Variants in SCHIP1 observed in about 807,000 individuals in gnomAD.
The protein encoded by SCHIP1 is schwannomin interacting protein 1.
Under a neutral mutation model 29.7 loss-of-function variants are expected in SCHIP1, and 8 were observed. The observed-to-expected ratio is 0.27, with a 90% CI of 0.16 to 0.49. SCHIP1 has a LOEUF of 0.49. Ranked by LOEUF, SCHIP1 falls within the 20% of genes least tolerant of loss-of-function variation. SCHIP1 has a pLI of 0.99. For synonymous variants in SCHIP1, 76 were observed against 94.9 expected, an observed-to-expected ratio of 0.80 and a Z score of 1.16; for missense variants, 193 against 294.6, an observed-to-expected ratio of 0.66 and a Z score of 2.52.
the SCHIP1 span, among the ~76,000 whole-genome samples, chr3:159,766,434 A>G: frequency 6.6e-6 from 1 of 152,234 alleles, no homozygotes; most frequent in East Asian, 1.9e-4. Context: ...TACCATGGCC[A>G]TTAACAGACG....
the SCHIP1 span, chr3:159,765,221 C>T: frequency 7.2e-7 from 1 of 1,395,226 alleles, no homozygotes; most frequent in Non-Finnish European, 9.5e-7. Context: ...TCCCTGCGCT[C>T]CCGCCCGCCC....
chr3:159,833,844 A>G, the SCHIP1 span, among the ~76,000 whole-genome samples: 1 of 152,158 alleles, frequency 6.6e-6, no homozygotes, highest in South Asian at 2.1e-4. Context: ...TTCTTTTCAC[A>G]GCACCAGTTT....
intron 2 of SCHIP1, among the ~76,000 whole-genome samples, chr3:159,867,107 G>A (rs779899339): frequency 5.2e-4 from 79 of 152,182 alleles, no homozygotes; most frequent in Non-Finnish European, 8.4e-4. Context: ...TTACAAATAC[G>A]GGTATTCCAA....
At chr3:159,380,132 G>T in the SCHIP1 span, among the ~76,000 whole-genome samples, 1 of 152,192 alleles carries the variant, frequency 6.6e-6, no homozygotes, top group African/African-American at 2.4e-5. Flanking sequence ...TGCCTTGAGT[G>T]TCCAAAAGTT....
the SCHIP1 span, among the ~76,000 whole-genome samples, chr3:159,472,658 C>T: frequency 6.6e-6 from 1 of 152,092 alleles, no homozygotes; most frequent in Admixed American, 6.6e-5. Flanking sequence ...TAGAGGCCCT[C>T]GGCGGAGGGA....
the SCHIP1 span, among the ~76,000 whole-genome samples, chr3:159,610,312 C>T: frequency 2.6e-5 from 4 of 152,168 alleles, no homozygotes; most frequent in South Asian, 2.1e-4. Flanking sequence ...TGATAGGAAC[C>T]GTTGACTGAC....
the SCHIP1 span, among the ~76,000 whole-genome samples, chr3:159,468,653 G>A: frequency 1.8e-4 from 27 of 147,182 alleles, no homozygotes; most frequent in African/African-American, 6.5e-4. Context: ...ATTCTAAATT[G>A]GCTTCATGGT....
At chr3:159,364,688 G>A in the SCHIP1 span, among the ~76,000 whole-genome samples, 4 of 152,168 alleles carry the variant, frequency 2.6e-5, no homozygotes. Context: ...CAGCAGAACT[G>A]GGGAAACAGC....
the SCHIP1 span, among the ~76,000 whole-genome samples, chr3:159,306,254 G>T: frequency 6.6e-6 from 1 of 152,202 alleles, no homozygotes; most frequent in African/African-American, 2.4e-5. Context: ...TCTTTGATTA[G>T]TAGTGTTTGC....
chr3:159,729,172 G>A, the SCHIP1 span, among the ~76,000 whole-genome samples: 51 of 151,962 alleles, frequency 3.4e-4, no homozygotes, highest in African/African-American at 1.1e-3. Flanking sequence ...AAGAAAAAAA[G>A]AAAAGAAAAG....
the SCHIP1 span, among the ~76,000 whole-genome samples, chr3:159,770,973 T>G: frequency 6.6e-6 from 1 of 152,206 alleles, no homozygotes; most frequent in Non-Finnish European, 1.5e-5. Context: ...CTCTGACAGG[T>G]GCATTTTCCT....
the SCHIP1 span, among the ~76,000 whole-genome samples, chr3:159,662,668 G>C: frequency 6.6e-6 from 1 of 152,084 alleles, no homozygotes. Flanking sequence ...CCACTCAAAG[G>C]GGTATATAAT....
chr3:159,538,167 G>T, the SCHIP1 span, among the ~76,000 whole-genome samples: 1 of 152,206 alleles, frequency 6.6e-6, no homozygotes, highest in East Asian at 1.9e-4. Flanking sequence ...CTATTTTAAA[G>T]AAAGTAATCT....
chr3:159,459,269 GA>G, the SCHIP1 span, among the ~76,000 whole-genome samples: 2 of 152,024 alleles, frequency 1.3e-5, no homozygotes, highest in Non-Finnish European at 2.9e-5. Context: ...ATAATGCTGG[GA>G]TCAAAGCTCA....
the SCHIP1 span, among the ~76,000 whole-genome samples, chr3:159,430,455 G>A: frequency 0.6 from 91,698 of 151,872 alleles, 28,411 homozygotes; most frequent in Non-Finnish European, 0.67. Context: ...CTGAGGCTAC[G>A]TTCTGCTCTG....
chr3:159,816,708 C>T, the SCHIP1 span, among the ~76,000 whole-genome samples: 1,591 of 152,328 alleles, frequency 0.01, 31 homozygotes, highest in African/African-American at 0.036. Flanking sequence ...CTACATAACT[C>T]CTATATCAGC....
the SCHIP1 span, among the ~76,000 whole-genome samples, chr3:159,492,716 G>A: frequency 6.6e-6 from 1 of 152,124 alleles, no homozygotes; most frequent in Non-Finnish European, 1.5e-5. Context: ...ACCTAGCAAG[G>A]CAGGCCAACA....
chr3:159,316,419 G>T, the SCHIP1 span, among the ~76,000 whole-genome samples: 2 of 152,124 alleles, frequency 1.3e-5, no homozygotes, highest in East Asian at 1.9e-4. Flanking sequence ...GCTTATATTT[G>T]CTGGAAGCTG....
At chr3:159,375,938 T>C in the SCHIP1 span, 1 of 165,654 alleles carries the variant, frequency 6.0e-6, no homozygotes, top group African/African-American at 2.4e-5. Context: ...AAGAAGCACT[T>C]ACAAGCTTTG....
Sources: allele counts gnomAD v4.1 joint callset (sites outside exome capture counted in the v4.1 genomes callset), GRCh38; gene constraint gnomAD v4.1.1; transcripts MANE v1.5; gene names NCBI Gene and HGNC (gene_info 2026-07-23, HGNC 2026-07-21).